Variants in UHRF1 observed in about 807,000 individuals in gnomAD.
The protein encoded by UHRF1 is ubiquitin like with PHD and ring finger domains 1.
A neutral mutation model predicts 96.5 loss-of-function variants in UHRF1; 9 were observed. The observed-to-expected ratio is 0.09, with a 90% CI of 0.06 to 0.16. The LOEUF (loss-of-function observed/expected upper bound fraction) is 0.16, where lower values mean the gene tolerates loss of function less well. Among genes scored for constraint, UHRF1 ranks in the 10% least tolerant of loss-of-function variants. The probability of loss-of-function intolerance (pLI) is 1.00; values close to 1 mark genes in which losing one functional copy is unlikely to be tolerated. For synonymous variants in UHRF1, 455 were observed against 469.9 expected, an observed-to-expected ratio of 0.97 and a Z score of 0.41; for missense variants, 626 against 1,131.1, an observed-to-expected ratio of 0.55 and a Z score of 6.40.
chr19:4,945,702 C>A (rs572531361), intron 9 of UHRF1, among the ~76,000 whole-genome samples, 159 bp from the exon 10 acceptor site: 2 of 150,046 alleles, frequency 1.3e-5, no homozygotes, highest in African/African-American at 4.9e-5. Context: ...CCGGCCGTCT[C>A]TAGCCGAGCA....
intron 2 of UHRF1, among the ~76,000 whole-genome samples, chr19:4,923,534 T>G (rs902201633): frequency 1.2e-4 from 18 of 152,190 alleles, no homozygotes; most frequent in Admixed American, 7.9e-4. Context: ...GCGGCCTGTG[T>G]GCCCCTCTCC....
At position 4,930,626 on chromosome 19, in the gene UHRF1, C is replaced by G. The variant is rs2033017250; in HGVS notation, c.409-90C>G. ...GGGCATTCGAGTTTGCGCCCTGGTT[C>G]CAGAGCATCCCAGTGTCCGAGAACC... On this transcript the variant is annotated intron_variant, in intron 3 of 16. Transcript: ENST00000650932. The surrounding 1 kb of genome is among the most constrained non-coding windows in gnomAD (Gnocchi z 4.4). The G allele has an allele frequency of 6.8e-7, 1 of 1,473,042 alleles. No individual in the cohort carries two copies. Among genetic ancestry groups the G allele is most frequent in the Admixed American group, 2.0e-5 (1 of 49,146 alleles). 91.2% of individuals were successfully genotyped at this position (1,473,042 alleles called of 1,614,324 possible). A position where few individuals can be genotyped will look rare whatever the true frequency, so the allele number is the denominator to read the frequency against.
intron 16 of UHRF1, among the ~76,000 whole-genome samples, 164 bp from the exon 17 acceptor site, chr19:4,960,493 C>A (rs1385530240): frequency 6.6e-6 from 1 of 151,826 alleles, no homozygotes; most frequent in African/African-American, 2.4e-5. Context: ...TTTGAGGGCC[C>A]CTAGGGGGGC....
chr19:4,925,426 A>C (rs2032837959), intron 2 of UHRF1, among the ~76,000 whole-genome samples: 1 of 152,146 alleles, frequency 6.6e-6, no homozygotes, highest in South Asian at 2.1e-4. Context: ...TTTCTCACTG[A>C]GTGTGATGTC....
At chr19:4,952,439 AG>A (rs533165717) in intron 13 of UHRF1, among the ~76,000 whole-genome samples, 52 of 116,726 alleles carry the variant, frequency 4.5e-4, no homozygotes, top group Admixed American at 1.3e-3. Context: ...TCTGTCGCCC[AG>A]GCTGGAGTGC....
intron 1 of UHRF1, chr19:4,910,355 G>A (rs1217213616): frequency 6.6e-6 from 1 of 151,176 alleles, no homozygotes; most frequent in Non-Finnish European, 1.5e-5. Flanking sequence ...GGGCCGGCAA[G>A]GAGGGGGGGC....
At position 4,942,760 on chromosome 19, in the gene UHRF1, A is replaced by G. The variant is rs545317929; in HGVS notation, c.1073+829A>G. Among the ~76,000 whole-genome samples the G allele has an allele frequency of 1.2e-4, 19 of 152,174 alleles. No individual in the cohort carries two copies. The South Asian group carries it at 3.9e-3, about 32-fold the overall frequency. ...CCACCATGCCTGGCCTGGAGACCCC[A>G]TTTCTACAAAAAATGTAAGAAAATT... On this transcript the variant is annotated intron_variant, in intron 7 of 16. Coordinates refer to ENST00000650932, the MANE Select transcript of UHRF1 (RefSeq NM_001048201.3).
At chr19:4,909,399 C>T, upstream of UHRF1, 1 of 644,388 alleles carries the variant, frequency 1.6e-6, no homozygotes, top group Non-Finnish European at 2.8e-6. Flanking sequence ...TTTCTCGCTT[C>T]CCGCCACTGC....
At chr19:4,932,218 C>T (rs771839187) in intron 4 of UHRF1, among the ~76,000 whole-genome samples, 32 of 152,346 alleles carry the variant, frequency 2.1e-4, no homozygotes, top group Non-Finnish European at 4.0e-4. Context: ...CCACCGTGCC[C>T]GGCCATGCCT....
intron 11 of UHRF1, among the ~76,000 whole-genome samples, chr19:4,947,531 C>T (rs1009004447): frequency 2.0e-4 from 20 of 101,542 alleles, no homozygotes; most frequent in South Asian, 6.7e-4. Context: ...GGCAGAGTCT[C>T]GCTCTGTTGC....
intron 4 of UHRF1, among the ~76,000 whole-genome samples, chr19:4,931,595 G>A (rs2033054653): frequency 6.6e-6 from 1 of 152,018 alleles, no homozygotes; most frequent in African/African-American, 2.4e-5. Context: ...AGCCTCCCAA[G>A]TAGCTGGGAT....
At chr19:4,959,199 G>A (rs1287360030) in intron 16 of UHRF1, among the ~76,000 whole-genome samples, 2 of 151,710 alleles carry the variant, frequency 1.3e-5, no homozygotes, top group East Asian at 3.9e-4. Flanking sequence ...GTGTGCTGGT[G>A]GGCGCCTGTA....
chr19:4,923,629 C>T lies in UHRF1; in HGVS notation c.154-5593C>T, dbSNP rs73534613. 7.1e-3 allele frequency among the ~76,000 whole-genome samples: 1,074 copies of T among 152,322 alleles called. 12 individuals are homozygous for T. The highest frequency in any genetic ancestry group is 0.025 in the African/African-American group (1,020 of 41,572). On this transcript the variant is annotated intron_variant, in intron 2 of 16. Transcript: ENST00000650932. The stretch of plus-strand genomic sequence containing the variant: ...GGAGGAGCAGCTGCCCCTCTGCGCA[C>T]GTGGCCTTCGGACACATGTGAGGGC...
upstream of UHRF1, among the ~76,000 whole-genome samples, chr19:4,907,776 G>A (rs1244855074): frequency 1.6e-5 from 2 of 128,438 alleles, no homozygotes; most frequent in African/African-American, 3.1e-5. Flanking sequence ...GCAATGGCGC[G>A]ATCTTGGCTC....
chr19:4,908,223 C>G (rs1431185047), upstream of UHRF1, among the ~76,000 whole-genome samples: 6 of 152,158 alleles, frequency 3.9e-5, no homozygotes, highest in African/African-American at 1.2e-4. Flanking sequence ...ATTCACAGAT[C>G]CTGGGGGCGA....
rs1488524848 is a variant in UHRF1, at chr19:4,962,057, A to C, written c.*1254A>C. 1.4e-5 allele frequency: 2 copies of C among 140,486 alleles called. No individual in the cohort carries two copies. The highest frequency in any genetic ancestry group is 3.2e-5 in the Non-Finnish European group (2 of 62,232). The allele number at this position is 140,486 out of a possible 1,614,324, so 8.7% of individuals were successfully genotyped here. A position where few individuals can be genotyped will look rare whatever the true frequency, so the allele number is the denominator to read the frequency against. ...CTCCTTATTCTTAGATTATTAATGT[A>C]TTAGGGAAGAATGAGACAATTTTGT... On this transcript the variant is annotated 3_prime_UTR_variant, in exon 17 of 17. Transcript: ENST00000650932.
At chr19:4,960,604 A>G in intron 16 of UHRF1, 53 bp from the exon 17 acceptor site, 5 of 1,594,034 alleles carry the variant, frequency 3.1e-6, no homozygotes, top group Non-Finnish European at 4.3e-6. Flanking sequence ...GGTGGCCAGG[A>G]GCAAACCTGA....
intron 5 of UHRF1, among the ~76,000 whole-genome samples, chr19:4,938,582 C>T (rs560424421): frequency 3.3e-4 from 50 of 151,720 alleles, no homozygotes; most frequent in Non-Finnish European, 5.3e-4. Flanking sequence ...TGCTGGAGTG[C>T]AGTGGCGTGA....
chr19:4,923,803 C>T (rs1379941869), intron 2 of UHRF1, among the ~76,000 whole-genome samples: 1 of 152,170 alleles, frequency 6.6e-6, no homozygotes, highest in Admixed American at 6.6e-5. Context: ...CCAGGAAGGC[C>T]CCACCCCAGA....
Sources: gnomAD v4.1 joint callset for allele counts (sites outside exome capture counted in the v4.1 genomes callset) on GRCh38, gnomAD v4.1.1 for gene constraint, Gnocchi (gnomAD v3.1) non-coding constraint, MANE v1.5 for transcripts, NCBI Gene and HGNC (gene_info 2026-07-23, HGNC 2026-07-21) for gene names.